Variants in B9D1 observed in about 807,000 individuals in gnomAD.
B9D1 encodes B9 domain containing 1.
Under a neutral mutation model 26.1 loss-of-function variants are expected in B9D1, and 20 were observed. The observed-to-expected ratio is 0.77, with a 90% CI of 0.54 to 1.12. The LOEUF (loss-of-function observed/expected upper bound fraction) is 1.12. Among genes scored for constraint, B9D1 ranks in the 50% most tolerant of loss-of-function variants. B9D1 has a pLI of 0.00. For synonymous variants in B9D1, 105 were observed against 103.1 expected (o/e 1.02, Z -0.11); for missense variants, 260 against 273.7 (o/e 0.95, Z 0.35).
downstream of B9D1, among the ~76,000 whole-genome samples, chr17:19,342,782 G>C (rs1908119640): frequency 6.6e-6 from 1 of 152,158 alleles, no homozygotes; most frequent in South Asian, 2.1e-4. Context: ...TGGGCAGGCT[G>C]AGGGTCTGCC....
rs1427151297 is a variant in B9D1, at chr17:19,358,029, G to C, written c.133-78C>G. ...CGGCTCCTCCCCTTACCTTCAGCAG[G>C]CAGTTGGGAGGGCTGTTTTCTCAGC... On this transcript the variant is annotated intron_variant, in intron 2 of 6. Coordinates refer to ENST00000261499, the MANE Select transcript of B9D1 (RefSeq NM_015681.6). The C allele has an allele frequency of 2.8e-6, 3 of 1,054,424 alleles. No individual in the cohort carries two copies. The African/African-American group carries it at 4.7e-5, about 16-fold the overall frequency. 65.3% of individuals were successfully genotyped at this position (1,054,424 alleles called of 1,614,324 possible).
At chr17:19,349,461 C>A (rs981058978) in intron 3 of B9D1, among the ~76,000 whole-genome samples, 12 of 151,648 alleles carry the variant, frequency 7.9e-5, no homozygotes, top group Non-Finnish European at 1.5e-4. Context: ...TCATGGCTCA[C>A]TGCAACCTCA....
At chr17:19,354,838 G>A (rs770566948) in intron 3 of B9D1, among the ~76,000 whole-genome samples, 1 of 151,954 alleles carries the variant, frequency 6.6e-6, no homozygotes, top group Non-Finnish European at 1.5e-5. Context: ...GAAAAAAAGA[G>A]AAAAAAAAGA....
chr17:19,348,602 G>A (rs906545995), intron 3 of B9D1, among the ~76,000 whole-genome samples: 1 of 152,224 alleles, frequency 6.6e-6, no homozygotes, highest in Non-Finnish European at 1.5e-5. Context: ...ATGTTAGGGA[G>A]AGGTTTGTGC....
downstream of B9D1, chr17:19,337,448 A>G (rs1417831040): frequency 5.0e-6 from 2 of 399,720 alleles, no homozygotes; most frequent in Non-Finnish European, 9.2e-6. Context: ...GAGGTCTGGG[A>G]CTGCCCTGCA....
At chr17:19,353,075 A>G (rs967592519) in intron 3 of B9D1, among the ~76,000 whole-genome samples, 7 of 150,978 alleles carry the variant, frequency 4.6e-5, no homozygotes, top group African/African-American at 7.3e-5. Flanking sequence ...TCCTGGGTTC[A>G]AGCGATTCCC....
At chr17:19,338,049 G>C (rs1309311644), downstream of B9D1, among the ~76,000 whole-genome samples, 2 of 152,232 alleles carry the variant, frequency 1.3e-5, no homozygotes, top group African/African-American at 2.4e-5. Context: ...GTGGAGTACA[G>C]AGCCTTCTCC....
chr17:19,360,377 A>G lies in B9D1; in HGVS notation c.75T>C (p.Tyr25=), dbSNP rs1910891387. ...GQVESAQFPE[Y]DDLYCKYCFV... The stretch of plus-strand genomic sequence containing the variant: ...AGCAGTACTTGCAGTAGAGGTCATC[A>G]TACTCTGGAAACTGAAAAAAGCACA... Residue 25 remains tyrosine (Y), a synonymous_variant, in exon 2 of 7, where the codon TAT becomes TAC. Coordinates refer to ENST00000261499, the MANE Select transcript of B9D1 (RefSeq NM_015681.6). 6.2e-7 allele frequency: 1 copy of G among 1,613,746 alleles called. No individual in the cohort carries two copies. Among genetic ancestry groups the G allele is most frequent in the Admixed American group, 1.7e-5 (1 of 60,000 alleles).
At chr17:19,363,342 G>T (rs1911373503), upstream of B9D1, among the ~76,000 whole-genome samples, 1 of 152,276 alleles carries the variant, frequency 6.6e-6, no homozygotes, top group Non-Finnish European at 1.5e-5. Flanking sequence ...ATCAGCCAGC[G>T]CTCAGGGGAG....
At chr17:19,355,680 A>C (rs1910252629) in intron 3 of B9D1, among the ~76,000 whole-genome samples, 1 of 151,926 alleles carries the variant, frequency 6.6e-6, no homozygotes, top group African/African-American at 2.4e-5. Context: ...ATACAAAAAA[A>C]AAAATTAGCC....
chr17:19,367,308 CT>C (rs35898862), upstream of B9D1, among the ~76,000 whole-genome samples: 11,603 of 121,390 alleles, frequency 0.096, 654 homozygotes, highest in African/African-American at 0.25. Context: ...TAAAATCAAT[CT>C]TTTTTTTTTT....
intron 1 of B9D1, among the ~76,000 whole-genome samples, chr17:19,374,073 T>C (rs1912005723): frequency 2.0e-5 from 3 of 152,150 alleles, no homozygotes; most frequent in African/African-American, 7.2e-5. Flanking sequence ...ACACATGAGA[T>C]TGTCTTTGTT....
In B9D1 at chr17:19,362,533, C is replaced by T. The variant is rs1485893157; in HGVS notation, c.37G>A (p.Val13Ile). Residue 13 changes from valine to isoleucine, a missense_variant, in exon 1 of 7, where the codon GTC becomes ATC. Physicochemically the swap from Val to Ile is conservative, Grantham distance 29 (BLOSUM62 3). Coordinates refer to ENST00000261499, the MANE Select transcript of B9D1 (RefSeq NM_015681.6). ...TASPSVFLLM[V>I]NGQVESAQFP... Reference sequence around the variant, plus strand: ...TGGGCGCTCTCCACCTGCCCGTTGACCATGAGTAGAAAGACGCTAGGACTC... The same window carrying T: ...TGGGCGCTCTCCACCTGCCCGTTGATCATGAGTAGAAAGACGCTAGGACTC... 2.5e-6 allele frequency: 4 copies of T among 1,585,820 alleles called. No homozygotes were observed. The highest frequency in any genetic ancestry group is 3.4e-6 in the Non-Finnish European group (4 of 1,166,326).
At position 19,362,578 on chromosome 17, in the gene B9D1, TG is replaced by T; in HGVS notation, c.-10del. ...GGACTCGCGGTCGCCATGGCAGGTC[TG>T]GGGGTGCCGGGGGGACCCACCTAGG... On this transcript the variant is annotated 5_prime_UTR_variant, in exon 1 of 7. Coordinates refer to ENST00000261499, the MANE Select transcript of B9D1 (RefSeq NM_015681.6). 1.9e-6 allele frequency: 3 copies of T among 1,589,120 alleles called. No individual in the cohort carries two copies. Among genetic ancestry groups the T allele is most frequent in the Non-Finnish European group, 2.6e-6 (3 of 1,167,938 alleles).
chr17:19,356,820 T>C (rs1274313600), intron 3 of B9D1, among the ~76,000 whole-genome samples: 1 of 152,194 alleles, frequency 6.6e-6, no homozygotes, highest in Non-Finnish European at 1.5e-5. Flanking sequence ...CTTTTTGTTT[T>C]TGCTTTTGTG....
intron 5 of B9D1, chr17:19,346,829 T>C (rs1908868722): frequency 8.9e-6 from 10 of 1,122,302 alleles, no homozygotes; most frequent in Non-Finnish European, 1.2e-5. Flanking sequence ...CCTGATGTTC[T>C]TCCCCGGCTC....
downstream of B9D1, among the ~76,000 whole-genome samples, chr17:19,342,291 TG>T (rs1384239865): frequency 6.6e-6 from 1 of 151,840 alleles, no homozygotes; most frequent in Non-Finnish European, 1.5e-5. Context: ...CACAGTGAGT[TG>T]GGGGGAGGGC....
chr17:19,351,333 G>A (rs1909578236), intron 3 of B9D1, among the ~76,000 whole-genome samples: 1 of 152,120 alleles, frequency 6.6e-6, no homozygotes, highest in South Asian at 2.1e-4. Context: ...TTCTCATGAT[G>A]TATTATATTA....
chr17:19,362,609 G>C lies in B9D1; in HGVS notation c.-40C>G. The stretch of plus-strand genomic sequence containing the variant: ...TGCCGGGGGGACCCACCTAGGCCGC[G>C]CGCGGTTGCTAAGAGACGCCGGCGT... On this transcript the variant is annotated 5_prime_UTR_variant, in exon 1 of 7. Transcript: ENST00000261499. The C allele has an allele frequency of 6.3e-7, 1 of 1,576,040 alleles. No homozygotes were observed. The highest frequency in any genetic ancestry group is 1.3e-5 in the African/African-American group (1 of 74,638).
Sources: allele counts gnomAD v4.1 joint callset (sites outside exome capture counted in the v4.1 genomes callset), GRCh38; gene constraint gnomAD v4.1.1; transcripts MANE v1.5; gene names NCBI Gene and HGNC (gene_info 2026-07-23, HGNC 2026-07-21).